PCDH15: variants seen among roughly 807,000 people sequenced by gnomAD.
PCDH15 encodes the protein protocadherin-15.
Under a neutral mutation model 178.5 loss-of-function variants are expected in PCDH15, and 129 were observed. That is an observed-to-expected ratio of 0.72 (90% CI 0.63 to 0.84). The LOEUF is 0.84. PCDH15 is among the 40% of genes least tolerant of loss of function. The pLI, the probability that PCDH15 is intolerant of heterozygous loss-of-function variation, is 0.00. For synonymous variants in PCDH15, 800 were observed against 732.0 expected (o/e 1.09, Z -1.50); for missense variants, 2,230 against 2,099.9 (o/e 1.06, Z -1.21).
intron 2 of PCDH15, among the ~76,000 whole-genome samples, chr10:55,581,961 G>T (rs999034024): frequency 1.3e-5 from 2 of 152,088 alleles, no homozygotes; most frequent in Non-Finnish European, 2.9e-5. Flanking sequence ...CAATTCTCCT[G>T]CCTCAGCCTA....
At chr10:55,109,886 T>C (rs1837453245) in intron 2 of PCDH15, among the ~76,000 whole-genome samples, 1 of 151,918 alleles carries the variant, frequency 6.6e-6, no homozygotes, top group South Asian at 2.1e-4. Flanking sequence ...ATGTAAAGAA[T>C]GTGGAAATTT....
chr10:54,951,355 C>T (rs10825416), intron 2 of PCDH15, among the ~76,000 whole-genome samples: 18,303 of 151,836 alleles, frequency 0.12, 2,006 homozygotes, highest in East Asian at 0.54. Flanking sequence ...TCTCACTTAG[C>T]ATTATGCATT....
chr10:54,054,320 A>T (rs1245914861), intron 18 of PCDH15, among the ~76,000 whole-genome samples: 2 of 152,158 alleles, frequency 1.3e-5, no homozygotes, highest in East Asian at 3.8e-4. Context: ...CAAAATCCAA[A>T]GTTTAAGGAG....
intron 1 of PCDH15, among the ~76,000 whole-genome samples, chr10:55,180,301 G>A (rs1839606978): frequency 2.6e-5 from 4 of 152,024 alleles, no homozygotes; most frequent in Admixed American, 2.6e-4. Flanking sequence ...AGAAAGTTTG[G>A]GGAACAGGTC....
At chr10:54,492,654 C>CT (rs1470007319) in intron 3 of PCDH15, among the ~76,000 whole-genome samples, 5 of 152,228 alleles carry the variant, frequency 3.3e-5, no homozygotes, top group African/African-American at 1.2e-4. Context: ...CTCTCCATTC[C>CT]TTTTTTATCA....
chr10:55,441,808 G>C (rs1183175646), intron 2 of PCDH15, among the ~76,000 whole-genome samples: 3 of 152,142 alleles, frequency 2.0e-5, no homozygotes, highest in Non-Finnish European at 4.4e-5. Context: ...ATTAAGTTAA[G>C]GATCTTGAGA....
intron 18 of PCDH15, among the ~76,000 whole-genome samples, chr10:54,025,452 G>A (rs995525472): frequency 2.0e-5 from 3 of 151,612 alleles, no homozygotes; most frequent in South Asian, 2.1e-4. Context: ...GACCAATCCC[G>A]GTTGCTAGAG....
At chr10:54,487,131 G>A (rs992263353) in intron 3 of PCDH15, among the ~76,000 whole-genome samples, 5 of 151,980 alleles carry the variant, frequency 3.3e-5, no homozygotes, top group African/African-American at 9.7e-5. Context: ...TATTTTAAAA[G>A]GATATATGCA....
chr10:54,456,825 T>G (rs556575734), intron 3 of PCDH15, among the ~76,000 whole-genome samples: 1 of 152,250 alleles, frequency 6.6e-6, no homozygotes, highest in South Asian at 2.1e-4. Context: ...CTTATGACAG[T>G]GAGTTCTCAC....
At chr10:53,969,525 T>A (rs1379714492) in intron 21 of PCDH15, among the ~76,000 whole-genome samples, 2 of 152,006 alleles carry the variant, frequency 1.3e-5, no homozygotes, top group Non-Finnish European at 1.5e-5. Context: ...AAGATACTCC[T>A]CAAGAAGAGC....
intron 1 of PCDH15, among the ~76,000 whole-genome samples, chr10:55,224,129 T>C (rs1161559254): frequency 6.6e-6 from 1 of 152,006 alleles, no homozygotes; most frequent in South Asian, 2.1e-4. Context: ...TGAGCCCAGG[T>C]TGTGGAGCTT....
At chr10:55,427,623 T>A (rs555113691) in intron 2 of PCDH15, among the ~76,000 whole-genome samples, 1 of 152,212 alleles carries the variant, frequency 6.6e-6, no homozygotes, top group African/African-American at 2.4e-5. Context: ...CGAATGCATC[T>A]TGGAGTGGTG....
chr10:54,509,603 C>A (rs12570060), intron 3 of PCDH15, among the ~76,000 whole-genome samples: 14,558 of 152,176 alleles, frequency 0.096, 1,004 homozygotes, highest in East Asian at 0.35. Flanking sequence ...TCCTAATCGA[C>A]GTGCCATTTC....
intron 3 of PCDH15, among the ~76,000 whole-genome samples, chr10:54,478,626 G>A (rs1392981810): frequency 6.6e-6 from 1 of 152,052 alleles, no homozygotes; most frequent in African/African-American, 2.4e-5. Flanking sequence ...TAAGTCATTA[G>A]TATAAGTGGT....
chr10:53,979,506 A>G (rs2090449120), intron 21 of PCDH15, among the ~76,000 whole-genome samples: 1 of 152,170 alleles, frequency 6.6e-6, no homozygotes, highest in Admixed American at 6.5e-5. Context: ...TATTTATCTA[A>G]GAATGGGGAT....
intron 1 of PCDH15, among the ~76,000 whole-genome samples, chr10:55,265,742 C>A (rs1413010411): frequency 6.6e-6 from 1 of 152,034 alleles, no homozygotes; most frequent in Non-Finnish European, 1.5e-5. Flanking sequence ...CTAAGAGAGG[C>A]CTTGGTAAAA....
chr10:55,307,289 T>C (rs1447208560), intron 1 of PCDH15, among the ~76,000 whole-genome samples: 1 of 151,754 alleles, frequency 6.6e-6, no homozygotes, highest in Non-Finnish European at 1.5e-5. Context: ...GATCACGAGG[T>C]CAGGAAATCC....
At chr10:54,940,825 G>T (rs1838042650) in intron 2 of PCDH15, among the ~76,000 whole-genome samples, 1 of 151,742 alleles carries the variant, frequency 6.6e-6, no homozygotes. Context: ...ATAGTCTATA[G>T]TTTATTACTA....
intron 1 of PCDH15, among the ~76,000 whole-genome samples, chr10:54,757,033 A>G (rs1340907909): frequency 6.6e-6 from 1 of 152,116 alleles, no homozygotes; most frequent in East Asian, 1.9e-4. Flanking sequence ...CATATGTCTC[A>G]AAAAACATGA....
Sources: allele counts gnomAD v4.1 joint callset (sites outside exome capture counted in the v4.1 genomes callset), GRCh38; gene constraint gnomAD v4.1.1; transcripts MANE v1.5; gene names NCBI Gene and HGNC (gene_info 2026-07-23, HGNC 2026-07-21).